The following GPR35 variants were observed in gnomAD, a reference collection of about 807,000 sequenced individuals.
GPR35 encodes the protein KYNA receptor.
For missense variants in GPR35, 372 were observed against 422.5 expected, an observed-to-expected ratio of 0.88 and a Z score of 1.05; for synonymous variants, 207 against 198.4, an observed-to-expected ratio of 1.04 and a Z score of -0.36.
At chr2:240,618,098 T>C (rs927124488) in intron 4 of GPR35, among the ~76,000 whole-genome samples, 1 of 152,098 alleles carries the variant, frequency 6.6e-6, no homozygotes, top group African/African-American at 2.4e-5. Context: ...ACATTATGAG[T>C]ACAAATGGAT....
chr2:240,614,686 G>A (rs1445466390), intron 2 of GPR35, among the ~76,000 whole-genome samples: 3 of 152,232 alleles, frequency 2.0e-5, no homozygotes, highest in South Asian at 4.1e-4. Flanking sequence ...TTCCTTTAGG[G>A]AGGGACCGGG....
At position 240,628,042 on chromosome 2, in the gene GPR35, G is replaced by A. The variant is rs570601757; in HGVS notation, c.-4-1907G>A. Reference sequence around the variant, plus strand: ...CCCTCCCCCTCCAGGTCTGCACACCGCCCAAGGCTGGCCCTGGACTTCTGG... The same window carrying A: ...CCCTCCCCCTCCAGGTCTGCACACCACCCAAGGCTGGCCCTGGACTTCTGG... On this transcript the variant is annotated intron_variant, in intron 1 of 1. Transcript: ENST00000407714. The A allele has an allele frequency of 2.1e-3, 325 of 152,402 alleles. 3 individuals carry two copies. Among genetic ancestry groups the A allele is most frequent in the African/African-American group, 5.8e-3 (240 of 41,540 alleles). 9.4% of individuals were successfully genotyped at this position (152,402 alleles called of 1,614,324 possible). A position where few individuals can be genotyped will look rare whatever the true frequency, so the allele number is the denominator to read the frequency against.
chr2:240,611,187 C>T (rs1390193581), intron 2 of GPR35, among the ~76,000 whole-genome samples: 2 of 151,836 alleles, frequency 1.3e-5, no homozygotes, highest in South Asian at 2.1e-4. Context: ...AGGCTGGTCT[C>T]GAACTCCTGA....
Position 240,629,976 on chromosome 2 carries a change from T to C in GPR35, c.24T>C (p.Cys8=). 2 of 1,608,018 alleles carry C rather than the reference T, an allele frequency of 1.2e-6. No homozygotes were observed. Among genetic ancestry groups the C allele is most frequent in the Non-Finnish European group, 8.5e-7 (1 of 1,175,912 alleles). ...CCATGAATGGCACCTACAACACCTGTGGCTCCAGCGACCTCACCTGGCCCC... is the reference window on the plus strand; with the variant it reads ...CCATGAATGGCACCTACAACACCTGCGGCTCCAGCGACCTCACCTGGCCCC... MNGTYNT[C]GSSDLTWPPA... The change falls in exon 2 of 2, where the codon TGT becomes TGC. Residue 8 remains cysteine, a synonymous_variant. Transcript: ENST00000407714.
At chr2:240,614,026 TTAAC>T (rs1262801962) in intron 2 of GPR35, among the ~76,000 whole-genome samples, 3 of 149,302 alleles carry the variant, frequency 2.0e-5, no homozygotes, top group Non-Finnish European at 3.0e-5. Context: ...CTAAACCTAA[TTAAC>T]AATGCCTCAT....
intron 2 of GPR35, among the ~76,000 whole-genome samples, chr2:240,609,862 A>G (rs961432712): frequency 2.6e-5 from 4 of 152,046 alleles, no homozygotes; most frequent in African/African-American, 9.7e-5. Context: ...TTTCAGTTCT[A>G]TCAGCTTCCT....
At chr2:240,625,838 A>T (rs1388050979) in intron 1 of GPR35, among the ~76,000 whole-genome samples, 1 of 51,304 alleles carries the variant, frequency 1.9e-5, no homozygotes. Context: ...GGTGTCTCAG[A>T]GTGGGGTGAG....
chr2:240,618,574 GTTAAT>G (rs771000577), intron 4 of GPR35, among the ~76,000 whole-genome samples: 23 of 152,198 alleles, frequency 1.5e-4, no homozygotes, highest in Non-Finnish European at 2.8e-4. Context: ...CCTTTTACAA[GTTAAT>G]TTAATTAAAT....
At chr2:240,615,611 T>C (rs748005988) in intron 2 of GPR35, among the ~76,000 whole-genome samples, 1 of 152,250 alleles carries the variant, frequency 6.6e-6, no homozygotes, top group Non-Finnish European at 1.5e-5. Flanking sequence ...ATCTATGGGC[T>C]CAAAATGTTT....
intron 2 of GPR35, among the ~76,000 whole-genome samples, chr2:240,615,904 A>T (rs975090658): frequency 1.3e-5 from 2 of 152,212 alleles, no homozygotes; most frequent in Non-Finnish European, 2.9e-5. Flanking sequence ...ATACGTTTTT[A>T]AAAAGAGCTT....
chr2:240,613,045 A>G (rs2043200373), intron 2 of GPR35, among the ~76,000 whole-genome samples: 1 of 152,244 alleles, frequency 6.6e-6, no homozygotes, highest in Non-Finnish European at 1.5e-5. Flanking sequence ...CTCCAACCTC[A>G]ACTGTAACAT....
At chr2:240,627,211 G>T (rs1236575431) in intron 1 of GPR35, among the ~76,000 whole-genome samples, 1 of 152,222 alleles carries the variant, frequency 6.6e-6, no homozygotes, top group East Asian at 1.9e-4. Flanking sequence ...TCCTGTGCGG[G>T]ACTGGGGCAG....
chr2:240,607,697 G>T (rs1176835512), intron 2 of GPR35, among the ~76,000 whole-genome samples: 2 of 152,036 alleles, frequency 1.3e-5, no homozygotes, highest in African/African-American at 4.8e-5. Flanking sequence ...CCTTGATAAT[G>T]CATTTATTAG....
chr2:240,625,549 G>T lies in GPR35; in HGVS notation c.-24G>T. 1.0e-6 allele frequency: 1 copy of T among 985,968 alleles called. No homozygotes were observed. Among genetic ancestry groups the T allele is most frequent in the Non-Finnish European group, 1.2e-6 (1 of 830,314 alleles). 61.1% of individuals were successfully genotyped at this position (985,968 alleles called of 1,614,324 possible). On this transcript the variant is annotated 5_prime_UTR_variant, in exon 1 of 2. Transcript: ENST00000407714. ...AGCGGGGGTCACACACTCCACCCGGGAGGCCAAAGCTGCCTGCAGGTCAGT... is the reference window on the plus strand; with the variant it reads ...AGCGGGGGTCACACACTCCACCCGGTAGGCCAAAGCTGCCTGCAGGTCAGT...
intron 2 of GPR35, among the ~76,000 whole-genome samples, chr2:240,610,390 C>T (rs2043171671): frequency 6.6e-6 from 1 of 152,098 alleles, no homozygotes; most frequent in Non-Finnish European, 1.5e-5. Flanking sequence ...ACATTGTTTT[C>T]ATTCTTTTAC....
upstream of GPR35, among the ~76,000 whole-genome samples, chr2:240,624,036 C>A (rs997390437): frequency 6.6e-6 from 1 of 151,504 alleles, no homozygotes; most frequent in South Asian, 2.1e-4. Context: ...CTCTGCAGGG[C>A]CCTGGCTCTG....
At chr2:240,624,486 G>T (rs984420274), upstream of GPR35, among the ~76,000 whole-genome samples, 9 of 152,212 alleles carry the variant, frequency 5.9e-5, no homozygotes, top group Non-Finnish European at 1.2e-4. Context: ...TGGGTAGAGA[G>T]CCCTGGTCTG....
At chr2:240,607,772 C>T (rs1400593665) in intron 2 of GPR35, among the ~76,000 whole-genome samples, 6 of 151,652 alleles carry the variant, frequency 4.0e-5, no homozygotes, top group Non-Finnish European at 5.9e-5. Flanking sequence ...CTTTTTCTCC[C>T]GACTCCCCGC....
At chr2:240,612,327 C>G (rs1257282094) in intron 2 of GPR35, among the ~76,000 whole-genome samples, 1 of 148,364 alleles carries the variant, frequency 6.7e-6, no homozygotes, top group East Asian at 2.0e-4. Context: ...CTCGGGAGGC[C>G]GAGGCAGGAG....
Sources: gnomAD v4.1 joint callset for allele counts (sites outside exome capture counted in the v4.1 genomes callset) on GRCh38, gnomAD v4.1.1 for gene constraint, MANE v1.5 for transcripts, NCBI Gene and HGNC (gene_info 2026-07-23, HGNC 2026-07-21) for gene names.